The following CA10 variants were observed in gnomAD, a reference collection of about 807,000 sequenced individuals.
The protein encoded by CA10 is carbonic anhydrase-related protein 10.
In CA10, 14 loss-of-function variants were observed where a neutral mutation model predicts 44.2. The ratio of observed to expected loss-of-function variants is 0.32; its 90% CI spans 0.21 to 0.50. CA10 has a LOEUF of 0.50. Ranked by LOEUF, CA10 falls within the 20% of genes least tolerant of loss-of-function variation. The pLI, the probability that CA10 is intolerant of heterozygous loss-of-function variation, is 0.99. For synonymous variants in CA10, 159 were observed against 141.6 expected, an observed-to-expected ratio of 1.12 and a Z score of -0.87; for missense variants, 350 against 409.7, an observed-to-expected ratio of 0.85 and a Z score of 1.26.
rs147366539 is a variant in CA10 at position 52,138,413 on chromosome 17, C to A, written c.61+19313G>T. Reference sequence around the variant, plus strand: ...TAGGTTCCTGGCATTAGAATTAGGACACAAACATCTTTGGGAGGCTATTCT... The same window carrying A: ...TAGGTTCCTGGCATTAGAATTAGGAAACAAACATCTTTGGGAGGCTATTCT... On this transcript the variant is annotated intron_variant, in intron 1 of 8. Coordinates refer to ENST00000451037, the MANE Select transcript of CA10 (RefSeq NM_020178.5). 1.7e-3 allele frequency among the ~76,000 whole-genome samples: 260 copies of A among 152,268 alleles called. 1 individual carries two copies. The highest frequency in any genetic ancestry group is 3.4e-3 in the Middle Eastern group (1 of 292).
chr17:52,092,667 T>A (rs1988298607), intron 1 of CA10, among the ~76,000 whole-genome samples: 2 of 152,092 alleles, frequency 1.3e-5, no homozygotes, highest in Admixed American at 1.3e-4. Context: ...TCCTGCCAGC[T>A]CTCTTTTTCA....
At chr17:51,683,761 T>A (rs1281540215) in intron 4 of CA10, among the ~76,000 whole-genome samples, 1 of 152,138 alleles carries the variant, frequency 6.6e-6, no homozygotes, top group Non-Finnish European at 1.5e-5. Context: ...ACTGAAGGCA[T>A]GTGCACATGT....
chr17:51,943,285 T>C (rs1052959264), intron 2 of CA10, among the ~76,000 whole-genome samples: 63 of 152,310 alleles, frequency 4.1e-4, no homozygotes, highest in Middle Eastern at 3.4e-3. Flanking sequence ...TACTTAATTA[T>C]GCATGGCTAT....
intron 2 of CA10, among the ~76,000 whole-genome samples, chr17:52,058,289 C>T (rs1484053635): frequency 2.0e-5 from 3 of 152,072 alleles, no homozygotes; most frequent in African/African-American, 7.2e-5. Flanking sequence ...TAATAAAAAT[C>T]GTAATATCTT....
intron 3 of CA10, among the ~76,000 whole-genome samples, chr17:51,865,362 T>G (rs1010483566): frequency 6.6e-6 from 1 of 152,306 alleles, no homozygotes. Context: ...TGGAACATGG[T>G]AGGTGTTCAA....
intron 3 of CA10, among the ~76,000 whole-genome samples, chr17:51,790,501 C>G (rs895391260): frequency 3.9e-5 from 6 of 152,216 alleles, no homozygotes; most frequent in Non-Finnish European, 7.3e-5. Flanking sequence ...GCATTCTTTT[C>G]TCTCTGCTAT....
At chr17:51,894,488 A>G (rs1980988153) in intron 3 of CA10, among the ~76,000 whole-genome samples, 1 of 152,118 alleles carries the variant, frequency 6.6e-6, no homozygotes, top group Admixed American at 6.6e-5. Context: ...CAGTGCCCCA[A>G]TCCCTGAAAG....
At chr17:51,764,522 G>A (rs1412834943) in intron 3 of CA10, among the ~76,000 whole-genome samples, 1 of 152,162 alleles carries the variant, frequency 6.6e-6, no homozygotes, top group Non-Finnish European at 1.5e-5. Flanking sequence ...TGAATGCAAT[G>A]GACTGTGTGA....
At chr17:52,134,256 C>G (rs537978796) in intron 1 of CA10, among the ~76,000 whole-genome samples, 1 of 152,260 alleles carries the variant, frequency 6.6e-6, no homozygotes, top group South Asian at 2.1e-4. Context: ...CCTAAAATAA[C>G]CTCCCATCAG....
intron 1 of CA10, among the ~76,000 whole-genome samples, chr17:52,077,011 A>T (rs1022248937): frequency 6.6e-6 from 1 of 152,208 alleles, no homozygotes; most frequent in African/African-American, 2.4e-5. Context: ...AATTGTCATC[A>T]CTGCCAGAGG....
chr17:52,030,936 A>C (rs1334814155), intron 2 of CA10, among the ~76,000 whole-genome samples: 2 of 152,098 alleles, frequency 1.3e-5, no homozygotes, highest in Non-Finnish European at 2.9e-5. Flanking sequence ...ACTGAGCCAC[A>C]CTACTGGCAT....
intron 3 of CA10, among the ~76,000 whole-genome samples, chr17:51,912,501 GA>G (rs1227783153): frequency 1.3e-5 from 2 of 152,076 alleles, no homozygotes; most frequent in African/African-American, 4.8e-5. Context: ...AAGAAAAAAA[GA>G]AAAAAACTTG....
intron 2 of CA10, among the ~76,000 whole-genome samples, chr17:51,977,675 G>A (rs1216035228): frequency 6.6e-6 from 1 of 152,022 alleles, no homozygotes; most frequent in Non-Finnish European, 1.5e-5. Flanking sequence ...TATTTTACTA[G>A]AGGTCCTAGA....
chr17:52,145,869 A>G (rs530238462), intron 1 of CA10, among the ~76,000 whole-genome samples: 1 of 152,322 alleles, frequency 6.6e-6, no homozygotes, highest in South Asian at 2.1e-4. Context: ...ATACTGTTTG[A>G]CCCAATAATC....
intron 3 of CA10, among the ~76,000 whole-genome samples, chr17:51,864,025 C>T (rs1170911035): frequency 6.6e-6 from 1 of 152,144 alleles, no homozygotes; most frequent in African/African-American, 2.4e-5. Flanking sequence ...GCTCAAAGCC[C>T]CAGCCTTCTA....
chr17:51,693,641 C>G (rs2143434919), intron 4 of CA10, among the ~76,000 whole-genome samples: 1 of 152,284 alleles, frequency 6.6e-6, no homozygotes, highest in South Asian at 2.1e-4. Context: ...TGGCCTCCAG[C>G]TGCATCCATA....
chr17:51,737,303 A>G (rs115724993), intron 4 of CA10, among the ~76,000 whole-genome samples: 5,300 of 152,264 alleles, frequency 0.035, 329 homozygotes, highest in African/African-American at 0.12. Flanking sequence ...CCTAAGCACA[A>G]TGCCTGAGAC....
At chr17:51,779,050 G>A (rs917113355) in intron 3 of CA10, among the ~76,000 whole-genome samples, 11 of 152,140 alleles carry the variant, frequency 7.2e-5, no homozygotes, top group Admixed American at 2.0e-4. Context: ...TGGGGACTGC[G>A]AAGAAACAGA....
At chr17:51,687,494 G>A (rs1915046925) in intron 4 of CA10, among the ~76,000 whole-genome samples, 1 of 152,164 alleles carries the variant, frequency 6.6e-6, no homozygotes, top group African/African-American at 2.4e-5. Context: ...TATGTTGAAT[G>A]AATGAATGAA....
Sources: allele counts gnomAD v4.1 joint callset (sites outside exome capture counted in the v4.1 genomes callset), GRCh38; gene constraint gnomAD v4.1.1; transcripts MANE v1.5; gene names NCBI Gene and HGNC (gene_info 2026-07-23, HGNC 2026-07-21).